Variants in ANK1 observed in about 807,000 individuals in gnomAD.
ANK1 encodes the protein ankyrin-1.
Under a neutral mutation model 210.4 loss-of-function variants are expected in ANK1, and 51 were observed. The observed-to-expected ratio is 0.24, with a 90% CI of 0.19 to 0.31. The LOEUF (loss-of-function observed/expected upper bound fraction) is 0.31. ANK1 is among the 10% of genes least tolerant of loss of function. The pLI is 1.00. For synonymous variants in ANK1, 967 were observed against 1,025.9 expected (o/e 0.94, Z 1.10); for missense variants, 2,051 against 2,504.4 (o/e 0.82, Z 3.86).
rs75660235 is a variant in ANK1 at position 41,747,030 on chromosome 8, T to G, written c.129+11006A>C. 6.4e-3 allele frequency among the ~76,000 whole-genome samples: 967 copies of G among 152,206 alleles called. 15 individuals carry two copies. Among genetic ancestry groups the G allele is most frequent in the African/African-American group, 0.022 (904 of 41,530 alleles). On this transcript the variant is annotated intron_variant, in intron 2 of 42. Transcript: ENST00000289734. The stretch of plus-strand genomic sequence containing the variant: ...TCTGAGCTTCCAGTTTCGTCTGAAT[T>G]CCATAATTCCAAGAATAAGACAACG...
intron 1 of ANK1, among the ~76,000 whole-genome samples, chr8:41,764,489 T>C (rs1173280900): frequency 6.6e-6 from 1 of 152,204 alleles, no homozygotes; most frequent in East Asian, 1.9e-4. Context: ...CTCTGGGCTA[T>C]GACAAACCGG....
chr8:41,860,809 A>G (rs1813128076), intron 1 of ANK1, among the ~76,000 whole-genome samples: 1 of 152,208 alleles, frequency 6.6e-6, no homozygotes, highest in African/African-American at 2.4e-5. Context: ...GGCCAAATGA[A>G]AAACCTCAAG....
intron 35 of ANK1, 42 bp from the exon 36 acceptor site, chr8:41,686,325 A>G: frequency 6.2e-7 from 1 of 1,611,884 alleles, no homozygotes; most frequent in South Asian, 1.1e-5. Context: ...CCTCCAGCTC[A>G]CCAACAGCAG....
intron 1 of ANK1, among the ~76,000 whole-genome samples, chr8:41,826,687 A>G (rs1563854907): frequency 6.6e-6 from 1 of 152,218 alleles, no homozygotes; most frequent in African/African-American, 2.4e-5. Flanking sequence ...CATCCTAAAC[A>G]TGATTTACAT....
chr8:41,661,461 C>T lies in ANK1; in HGVS notation c.*5G>A, dbSNP rs759611653. 24 of 1,613,962 alleles carry T rather than the reference C, an allele frequency of 1.5e-5. No homozygotes were observed. The highest frequency in any genetic ancestry group is 1.6e-4 in the Middle Eastern group (1 of 6,082). Reference sequence around the variant, plus strand: ...AGAGGCTACTCCAAGGAGAGCGGCTCGGGGTCACTGTTTCCCCCTTTTCAG... The same window carrying T: ...AGAGGCTACTCCAAGGAGAGCGGCTTGGGGTCACTGTTTCCCCCTTTTCAG... On this transcript the variant is annotated 3_prime_UTR_variant, in exon 42 of 43. Transcript: ENST00000289734.
At chr8:41,858,790 C>T (rs1302750139) in intron 1 of ANK1, among the ~76,000 whole-genome samples, 1 of 152,244 alleles carries the variant, frequency 6.6e-6, no homozygotes, top group South Asian at 2.1e-4. Flanking sequence ...GATTAAATGA[C>T]ATGCTTATGT....
intron 1 of ANK1, among the ~76,000 whole-genome samples, chr8:41,781,789 G>A (rs1229665307): frequency 6.6e-6 from 1 of 152,192 alleles, no homozygotes; most frequent in African/African-American, 2.4e-5. Context: ...AGGGCCAGGA[G>A]GGAGGCAGAG....
intron 1 of ANK1, among the ~76,000 whole-genome samples, chr8:41,788,220 G>A (rs527896241): frequency 1.3e-5 from 2 of 152,250 alleles, no homozygotes; most frequent in Admixed American, 1.3e-4. Flanking sequence ...CTCTGATTGC[G>A]CCCTTACCAG....
intron 1 of ANK1, among the ~76,000 whole-genome samples, chr8:41,895,414 C>T (rs1820291180): frequency 2.0e-5 from 3 of 152,176 alleles, no homozygotes; most frequent in Admixed American, 6.5e-5. Context: ...CTTCTGTCAC[C>T]GTCCTTTCAC....
chr8:41,731,241 C>A (rs1431356327), intron 3 of ANK1, among the ~76,000 whole-genome samples: 1 of 152,194 alleles, frequency 6.6e-6, no homozygotes, highest in East Asian at 1.9e-4. Context: ...AAGAACATGG[C>A]CTCAAAGGAG....
In ANK1 at chr8:41,858,754, A is replaced by C. The variant is rs372363365; in HGVS notation, c.126+37601T>G. ...AACAAAACCAAAACCAGCAACAATA[A>C]AACCAGCTTCACAGTTTGTTGTGTG... On this transcript the variant is annotated intron_variant, in intron 1 of 42. Coordinates refer to the ANK1 transcript ENST00000265709. Among the ~76,000 whole-genome samples the C allele has an allele frequency of 9.8e-5, 15 of 152,334 alleles. 1 individual carries two copies. Among genetic ancestry groups the C allele is most frequent in the African/African-American group, 1.7e-4 (7 of 41,578 alleles).
At chr8:41,678,677 T>C (rs775428126) in intron 37 of ANK1, among the ~76,000 whole-genome samples, 2 of 152,270 alleles carry the variant, frequency 1.3e-5, no homozygotes, top group Admixed American at 6.5e-5. Flanking sequence ...CTCTAGAAGA[T>C]TGGCTTGGGC....
chr8:41,690,960 C>T (rs1231870976), intron 31 of ANK1, among the ~76,000 whole-genome samples: 1 of 152,206 alleles, frequency 6.6e-6, no homozygotes, highest in African/African-American at 2.4e-5. Context: ...TGGTGGCTCA[C>T]GCCTGTAATC....
chr8:41,810,765 G>A (rs2150783194), intron 1 of ANK1, among the ~76,000 whole-genome samples: 1 of 152,364 alleles, frequency 6.6e-6, no homozygotes, highest in East Asian at 1.9e-4. Context: ...AGGGCCTCAT[G>A]ACCACAGGGC....
chr8:41,891,864 C>T (rs986660342), intron 1 of ANK1, among the ~76,000 whole-genome samples: 1 of 152,168 alleles, frequency 6.6e-6, no homozygotes, highest in Non-Finnish European at 1.5e-5. Flanking sequence ...GAAACAAATG[C>T]TCTAATAATT....
intron 2 of ANK1, among the ~76,000 whole-genome samples, chr8:41,755,604 T>TG (rs1387497866): frequency 2.6e-5 from 4 of 152,100 alleles, no homozygotes; most frequent in Non-Finnish European, 5.9e-5. Flanking sequence ...ACCCTGCCTA[T>TG]GGGGGGCTGG....
chr8:41,777,607 A>C (rs1268841884), intron 1 of ANK1, among the ~76,000 whole-genome samples: 2 of 123,484 alleles, frequency 1.6e-5, no homozygotes, highest in Non-Finnish European at 3.8e-5. Flanking sequence ...AACAACAATA[A>C]ATAAAAACAA....
At chr8:41,843,074 T>C (rs570728056) in intron 1 of ANK1, among the ~76,000 whole-genome samples, 16 of 152,246 alleles carry the variant, frequency 1.1e-4, no homozygotes, top group African/African-American at 3.8e-4. Context: ...TCTTGAACTC[T>C]TGACCTCAGG....
Position 41,717,685 on chromosome 8 carries a change from G to T in ANK1, c.1224C>A (p.Leu408=). 1 of 1,551,710 alleles carries T rather than the reference G, an allele frequency of 6.4e-7. No homozygotes were observed. Among genetic ancestry groups the T allele is most frequent in the African/African-American group, 1.4e-5 (1 of 73,188 alleles). The change falls in exon 12 of 43, where the codon CTC becomes CTA. Residue 408 remains leucine (L), a synonymous_variant. Transcript: ENST00000289734. ...GGTGCCCCATGAAGGAGGCCACGTGGAGAGGTGTCAGGCCAGACTGAAACA... is the reference window on the plus strand; with the variant it reads ...GGTGCCCCATGAAGGAGGCCACGTGTAGAGGTGTCAGGCCAGACTGAAACA... ...DAVTESGLTP[L]HVASFMGHLP... is the part of the protein sequence containing the mutation.
Sources: allele counts gnomAD v4.1 joint callset (sites outside exome capture counted in the v4.1 genomes callset), GRCh38; gene constraint gnomAD v4.1.1; transcripts MANE v1.5; gene names NCBI Gene and HGNC (gene_info 2026-07-23, HGNC 2026-07-21).